Variants in CTNNA3 observed in about 807,000 individuals in gnomAD.
CTNNA3 encodes catenin alpha-3.
In CTNNA3, 76 loss-of-function variants were observed where a neutral mutation model predicts 95.7. The ratio of observed to expected loss-of-function variants is 0.79; its 90% CI spans 0.66 to 0.96. CTNNA3 has a LOEUF of 0.96. Ranked by LOEUF, CTNNA3 falls within the 40% of genes least tolerant of loss-of-function variation. CTNNA3 has a pLI of 0.00. For synonymous variants in CTNNA3, 431 were observed against 374.4 expected (o/e 1.15, Z -1.74); for missense variants, 1,191 against 1,089.8 (o/e 1.09, Z -1.31).
intron 5 of CTNNA3, among the ~76,000 whole-genome samples, chr10:67,276,350 G>T (rs184483079): frequency 1.7e-3 from 263 of 152,172 alleles, no homozygotes; most frequent in African/African-American, 5.5e-3. Flanking sequence ...GTTGCAGTAG[G>T]CTTCAAATAA....
chr10:66,938,343 C>T (rs940486226), intron 7 of CTNNA3, among the ~76,000 whole-genome samples: 2 of 152,048 alleles, frequency 1.3e-5, no homozygotes, highest in African/African-American at 4.8e-5. Context: ...CTACTAATAG[C>T]ATATTGTTGA....
At chr10:66,864,103 A>G (rs1040654996) in intron 7 of CTNNA3, among the ~76,000 whole-genome samples, 1 of 152,124 alleles carries the variant, frequency 6.6e-6, no homozygotes, top group Non-Finnish European at 1.5e-5. Context: ...TTGTTTTTAG[A>G]TTATATAGAT....
chr10:67,658,030 T>C (rs1840075415), intron 1 of CTNNA3, among the ~76,000 whole-genome samples: 2 of 152,026 alleles, frequency 1.3e-5, no homozygotes, highest in African/African-American at 2.4e-5. Context: ...ATGTGAGACA[T>C]CCTTTCGCTT....
chr10:65,993,392 T>C (rs1247255567), intron 15 of CTNNA3, among the ~76,000 whole-genome samples: 2 of 152,230 alleles, frequency 1.3e-5, no homozygotes, highest in African/African-American at 4.8e-5. Context: ...CCTTTTGATG[T>C]AATAATATTT....
chr10:66,207,008 G>A (rs751969598), intron 13 of CTNNA3, among the ~76,000 whole-genome samples: 6 of 151,898 alleles, frequency 4.0e-5, no homozygotes, highest in Non-Finnish European at 5.9e-5. Context: ...ATAAGAGGAT[G>A]TGCATGTATA....
chr10:66,934,487 A>C (rs887551920), intron 7 of CTNNA3, among the ~76,000 whole-genome samples: 4 of 152,158 alleles, frequency 2.6e-5, no homozygotes, highest in Admixed American at 6.6e-5. Context: ...TTAGGACATA[A>C]AACAAATTTA....
intron 11 of CTNNA3, among the ~76,000 whole-genome samples, chr10:66,493,732 A>G (rs940885550): frequency 3.3e-5 from 5 of 150,274 alleles, no homozygotes; most frequent in Non-Finnish European, 3.0e-5. Context: ...CAGCCTCCCA[A>G]GTAGCTGGGA....
At chr10:66,463,370 G>C (rs1007378219) in intron 11 of CTNNA3, among the ~76,000 whole-genome samples, 1 of 152,080 alleles carries the variant, frequency 6.6e-6, no homozygotes, top group Non-Finnish European at 1.5e-5. Flanking sequence ...TCCACAAGTG[G>C]GGGCAGCCTG....
At chr10:66,584,916 A>T (rs1181072799) in intron 10 of CTNNA3, among the ~76,000 whole-genome samples, 4 of 152,026 alleles carry the variant, frequency 2.6e-5, no homozygotes, top group African/African-American at 9.7e-5. Flanking sequence ...CTTGTCTGAG[A>T]AAAACTATTT....
intron 7 of CTNNA3, among the ~76,000 whole-genome samples, chr10:66,976,500 T>G (rs571317762): frequency 6.6e-6 from 1 of 152,338 alleles, no homozygotes; most frequent in South Asian, 2.1e-4. Flanking sequence ...ATTACTAGCC[T>G]ACCCTACAAA....
At chr10:67,641,236 GC>G (rs1242795085) in intron 2 of CTNNA3, among the ~76,000 whole-genome samples, 1 of 152,112 alleles carries the variant, frequency 6.6e-6, no homozygotes, top group Admixed American at 6.6e-5. Context: ...CATTTATGCA[GC>G]CAAAAGACAC....
chr10:66,508,211 T>TTTTTTTTTTTTTTTTTTTTTTG (rs1491247894), intron 11 of CTNNA3, among the ~76,000 whole-genome samples: 34 of 91,152 alleles, frequency 3.7e-4, no homozygotes, highest in Admixed American at 9.2e-4. Context: ...TTGTTTTCTG[T>TTTTTTTTTTTTTTTTTTTTTTG]TTTTTTTTTT....
At chr10:67,079,282 T>C (rs1856911324) in intron 7 of CTNNA3, among the ~76,000 whole-genome samples, 1 of 152,156 alleles carries the variant, frequency 6.6e-6, no homozygotes, top group Non-Finnish European at 1.5e-5. Flanking sequence ...TAAGAAACTA[T>C]CATAAATACA....
rs374611639 is a variant in CTNNA3 at position 67,647,454 on chromosome 10, T to C, written c.60A>G (p.Thr20=). The C allele has an allele frequency of 1.8e-5, 29 of 1,613,416 alleles. No homozygotes were observed. The highest frequency in any genetic ancestry group is 2.5e-5 in the Non-Finnish European group (29 of 1,179,598). Residue 20 remains threonine, a synonymous_variant, in exon 2 of 18, where the codon ACA becomes ACG. Coordinates refer to ENST00000433211, the MANE Select transcript of CTNNA3 (RefSeq NM_013266.4). ...GCTCCAGTAGCTTCTCCACGGTGAA[T>C]GTTTGGACCTGCAGATCCTGAGGAT... ...NIDPQDLQVQ[T]FTVEKLLEPL... is the part of the protein sequence containing the mutation.
chr10:66,463,025 C>A (rs891950984), intron 11 of CTNNA3, among the ~76,000 whole-genome samples: 6 of 152,226 alleles, frequency 3.9e-5, no homozygotes, highest in Middle Eastern at 3.4e-3. Flanking sequence ...TATTTCCTAT[C>A]AAAATTCTTT....
Position 66,399,302 on chromosome 10 carries a change from C to T in CTNNA3, c.1532-19950G>A, listed in dbSNP as rs774359556. Among the ~76,000 whole-genome samples, 61 of 151,584 alleles carry T rather than the reference C, an allele frequency of 4.0e-4. 1 individual carries two copies. Among genetic ancestry groups the T allele is most frequent in the Non-Finnish European group, 1.3e-4 (9 of 67,784 alleles). On this transcript the variant is annotated intron_variant, in intron 11 of 17. Coordinates refer to ENST00000433211, the MANE Select transcript of CTNNA3 (RefSeq NM_013266.4). ...TATTTTCCTTTCCTGCATCTGGTTG[C>T]CTCTTGTGTCTTCTGCACTAGTGAA...
At chr10:67,691,730 G>C (rs1487785445) in intron 1 of CTNNA3, among the ~76,000 whole-genome samples, 3 of 151,354 alleles carry the variant, frequency 2.0e-5, no homozygotes, top group Non-Finnish European at 4.4e-5. Flanking sequence ...GAGTGTCTCC[G>C]CCCGGCAGCC....
intron 13 of CTNNA3, among the ~76,000 whole-genome samples, chr10:66,220,538 G>A (rs922079492): frequency 3.3e-5 from 5 of 152,122 alleles, no homozygotes; most frequent in Admixed American, 6.5e-5. Flanking sequence ...TGCTGTCTAC[G>A]GACGGCTTAA....
intron 11 of CTNNA3, among the ~76,000 whole-genome samples, chr10:66,422,878 C>CCA (rs952880960): frequency 1.3e-5 from 2 of 150,340 alleles, no homozygotes; most frequent in African/African-American, 5.0e-5. Flanking sequence ...GATCCACCTC[C>CCA]CTCGGCCTAC....
Sources: gnomAD v4.1 joint callset for allele counts (sites outside exome capture counted in the v4.1 genomes callset) on GRCh38, gnomAD v4.1.1 for gene constraint, MANE v1.5 for transcripts, NCBI Gene and HGNC (gene_info 2026-07-23, HGNC 2026-07-21) for gene names.